The following LRP1B variants were observed in gnomAD, a reference collection of about 807,000 sequenced individuals.
LRP1B encodes low-density lipoprotein receptor-related protein 1B.
In LRP1B, 217 loss-of-function variants were observed where a neutral mutation model predicts 556.6. The ratio of observed to expected loss-of-function variants is 0.39; its 90% CI spans 0.35 to 0.44. The LOEUF (loss-of-function observed/expected upper bound fraction) is 0.44. Among genes scored for constraint, LRP1B ranks in the 20% least tolerant of loss-of-function variants. The pLI, the probability that LRP1B is intolerant of heterozygous loss-of-function variation, is 1.00. For missense variants in LRP1B, 5,053 were observed against 5,620.8 expected, an observed-to-expected ratio of 0.90 and a Z score of 3.23; for synonymous variants, 2,047 against 1,865.8, an observed-to-expected ratio of 1.10 and a Z score of -2.50.
At chr2:140,435,667 CAGA>C (rs1211477350) in intron 66 of LRP1B, among the ~76,000 whole-genome samples, 26 of 20,014 alleles carry the variant, frequency 1.3e-3, no homozygotes, top group Non-Finnish European at 6.5e-4. Context: ...ATTGTTAAGA[CAGA>C]AAAAAAAAAA....
intron 2 of LRP1B, among the ~76,000 whole-genome samples, chr2:141,791,794 A>G (rs1695621969): frequency 6.6e-6 from 1 of 152,018 alleles, no homozygotes; most frequent in Admixed American, 6.6e-5. Flanking sequence ...TGCCCTCTTG[A>G]GTTTTCAAAT....
intron 41 of LRP1B, among the ~76,000 whole-genome samples, chr2:140,696,909 C>T (rs1686449037): frequency 6.6e-6 from 1 of 152,100 alleles, no homozygotes; most frequent in African/African-American, 2.4e-5. Context: ...GTCACAAATA[C>T]AGTACAATAA....
chr2:141,602,981 T>C (rs1687802263), intron 2 of LRP1B, among the ~76,000 whole-genome samples: 2 of 152,226 alleles, frequency 1.3e-5, no homozygotes, highest in African/African-American at 4.8e-5. Flanking sequence ...TATTTTAAAA[T>C]GCATTGTTAA....
chr2:141,469,767 G>A (rs62166278), intron 3 of LRP1B, among the ~76,000 whole-genome samples: 8,125 of 152,188 alleles, frequency 0.053, 263 homozygotes, highest in Non-Finnish European at 0.067. Flanking sequence ...AAATATTTAT[G>A]GTTAATTCTC....
At chr2:141,832,445 TATC>T (rs1391718415) in intron 1 of LRP1B, among the ~76,000 whole-genome samples, 2 of 151,574 alleles carry the variant, frequency 1.3e-5, no homozygotes, top group African/African-American at 2.4e-5. Flanking sequence ...TGAACTACAA[TATC>T]ATCTTTCACA....
At chr2:141,295,749 ACACACAC>A (rs1558988056) in intron 3 of LRP1B, among the ~76,000 whole-genome samples, 169 of 102,772 alleles carry the variant, frequency 1.6e-3, no homozygotes, top group African/African-American at 5.8e-3. Flanking sequence ...GGAGAGAAAC[ACACACAC>A]ACACACACAC....
chr2:140,506,500 T>C (rs2104905622), intron 53 of LRP1B, among the ~76,000 whole-genome samples: 1 of 152,232 alleles, frequency 6.6e-6, no homozygotes, highest in South Asian at 2.1e-4. Context: ...CGCCTCAGCC[T>C]CCCGAAGTGC....
At chr2:141,689,749 T>C (rs1393070887) in intron 2 of LRP1B, among the ~76,000 whole-genome samples, 1 of 151,784 alleles carries the variant, frequency 6.6e-6, no homozygotes. Context: ...TAGTACACAT[T>C]TAAATTTTAA....
At chr2:140,291,300 A>T (rs1241125690) in intron 84 of LRP1B, among the ~76,000 whole-genome samples, 2 of 56,290 alleles carry the variant, frequency 3.6e-5, no homozygotes, top group African/African-American at 5.1e-5. Context: ...ATTTTATTTT[A>T]TATATATATA....
At chr2:141,601,636 TTCCTTCC>T (rs1268981441) in intron 2 of LRP1B, among the ~76,000 whole-genome samples, 22 of 151,340 alleles carry the variant, frequency 1.5e-4, no homozygotes, top group African/African-American at 4.9e-4. Flanking sequence ...CCTTCCTTCC[TTCCTTCC>T]TTTTTTTTTC....
chr2:140,717,350 A>C (rs1033239079), intron 35 of LRP1B, among the ~76,000 whole-genome samples: 2 of 152,110 alleles, frequency 1.3e-5, no homozygotes, highest in African/African-American at 4.8e-5. Flanking sequence ...AAAGTCTTAA[A>C]AATGCCTTAT....
intron 1 of LRP1B, among the ~76,000 whole-genome samples, chr2:142,019,029 C>G (rs1249589800): frequency 6.6e-6 from 1 of 152,094 alleles, no homozygotes; most frequent in Admixed American, 6.6e-5. Flanking sequence ...CATAGAAAAG[C>G]TTTATTAAAA....
intron 2 of LRP1B, among the ~76,000 whole-genome samples, chr2:141,523,434 G>T (rs1034934489): frequency 2.0e-5 from 3 of 151,960 alleles, no homozygotes; most frequent in African/African-American, 7.2e-5. Context: ...TCCTAATAAT[G>T]AAAGTAATTG....
intron 12 of LRP1B, 90 bp downstream of exon 12, chr2:141,019,832 T>C (rs910099487): frequency 8.2e-6 from 8 of 978,430 alleles, no homozygotes; most frequent in East Asian, 5.5e-5. Flanking sequence ...GCTATACATA[T>C]GGATTTAAAT....
At chr2:140,464,351 T>G (rs1023486844) in intron 60 of LRP1B, among the ~76,000 whole-genome samples, 29 of 152,300 alleles carry the variant, frequency 1.9e-4, no homozygotes, top group African/African-American at 6.3e-4. Flanking sequence ...TCAAATAATA[T>G]GTACTCTCCA....
chr2:141,016,060 G>A (rs1697891027), intron 12 of LRP1B, 145 bp from the exon 13 acceptor site: 1 of 651,782 alleles, frequency 1.5e-6, no homozygotes, highest in South Asian at 1.8e-5. Flanking sequence ...GTCAAAGAGG[G>A]GGGAGCTGTG....
Position 140,289,441 on chromosome 2 carries a change from T to A in LRP1B, c.12967+8367A>T, listed in dbSNP as rs571583693. ...GCAATGAATGATATTTAATGTTGTT[T>A]AATACATATCAGTTGAATGAGTTAA... On this transcript the variant is annotated intron_variant, in intron 84 of 90. Coordinates refer to ENST00000389484, the MANE Select transcript of LRP1B (RefSeq NM_018557.3). Among the ~76,000 whole-genome samples, 13 of 152,156 alleles carry A rather than the reference T, an allele frequency of 8.5e-5. 1 individual carries two copies. The highest frequency in any genetic ancestry group is 3.1e-4 in the African/African-American group (13 of 41,564).
At chr2:140,497,436 A>G (rs144928284) in intron 55 of LRP1B, among the ~76,000 whole-genome samples, 5,525 of 152,040 alleles carry the variant, frequency 0.036, 150 homozygotes, top group Non-Finnish European at 0.047. Flanking sequence ...ACTTAATGCC[A>G]TTAACTGTAC....
intron 35 of LRP1B, among the ~76,000 whole-genome samples, chr2:140,748,176 T>C (rs1342840867): frequency 1.5e-5 from 2 of 134,902 alleles, no homozygotes. Context: ...ATATATTATA[T>C]ATTCATATAT....
Sources: allele counts gnomAD v4.1 joint callset (sites outside exome capture counted in the v4.1 genomes callset), GRCh38; gene constraint gnomAD v4.1.1; transcripts MANE v1.5; gene names NCBI Gene and HGNC (gene_info 2026-07-23, HGNC 2026-07-21).